The following PPFIA2 variants were observed in gnomAD, a reference collection of about 807,000 sequenced individuals.
PPFIA2 encodes liprin-alpha-2.
PPFIA2 carries 46 observed loss-of-function variants against 175.5 expected under a neutral mutation model. The observed-to-expected ratio is 0.26, with a 90% confidence interval of 0.21 to 0.34. The LOEUF (loss-of-function observed/expected upper bound fraction) is 0.34, where lower values mean the gene tolerates loss of function less well. PPFIA2 is among the 10% of genes least tolerant of loss of function. PPFIA2 has a pLI of 1.00. For synonymous variants in PPFIA2, 568 were observed against 511.4 expected (o/e 1.11, Z -1.49); for missense variants, 1,179 against 1,506.1 (o/e 0.78, Z 3.60).
chr12:81,665,212 G>A (rs1188102062), intron 4 of PPFIA2, among the ~76,000 whole-genome samples: 1 of 151,682 alleles, frequency 6.6e-6, no homozygotes, highest in Non-Finnish European at 1.5e-5. Context: ...AAAAATTTAC[G>A]GTACATCAAA....
At chr12:81,266,449 A>G (rs7960587) in intron 30 of PPFIA2, among the ~76,000 whole-genome samples, 65,101 of 151,954 alleles carry the variant, frequency 0.43, 14,857 homozygotes, top group Non-Finnish European at 0.52. Context: ...TTCAAATTCT[A>G]TGACTGTTAA....
chr12:81,392,267 T>G (rs1187800462), intron 8 of PPFIA2, among the ~76,000 whole-genome samples: 1 of 151,572 alleles, frequency 6.6e-6, no homozygotes, highest in Non-Finnish European at 1.5e-5. Flanking sequence ...AAAGATGGAG[T>G]TGCTATTTTT....
chr12:81,297,545 A>G (rs1042412289), intron 23 of PPFIA2, among the ~76,000 whole-genome samples: 4 of 152,232 alleles, frequency 2.6e-5, no homozygotes, highest in African/African-American at 9.6e-5. Context: ...AGGCACAAAT[A>G]ATTGACCTTG....
intron 4 of PPFIA2, among the ~76,000 whole-genome samples, chr12:81,503,550 TA>T (rs11352249): frequency 0.47 from 57,801 of 122,822 alleles, 11,608 homozygotes; most frequent in African/African-American, 0.57. Flanking sequence ...GTTATTTTGC[TA>T]AAAAAAAAAA....
chr12:81,362,064 T>C (rs2141219146), intron 15 of PPFIA2, among the ~76,000 whole-genome samples: 1 of 151,498 alleles, frequency 6.6e-6, no homozygotes, highest in African/African-American at 2.4e-5. Context: ...ATCTATCAAG[T>C]AAGCTGCCAT....
At chr12:81,443,195 T>C (rs114327227) in intron 6 of PPFIA2, among the ~76,000 whole-genome samples, 135 of 152,092 alleles carry the variant, frequency 8.9e-4, no homozygotes, top group East Asian at 3.1e-3. Context: ...TATCAGATCA[T>C]ATCTAATCCT....
chr12:81,308,343 T>C (rs1002498203), intron 22 of PPFIA2, among the ~76,000 whole-genome samples: 1 of 152,196 alleles, frequency 6.6e-6, no homozygotes, highest in African/African-American at 2.4e-5. Flanking sequence ...TATTAATTCA[T>C]TTAATTTTCA....
At chr12:81,352,855 T>C (rs1201375993) in intron 17 of PPFIA2, among the ~76,000 whole-genome samples, 3 of 152,222 alleles carry the variant, frequency 2.0e-5, no homozygotes, top group Admixed American at 1.3e-4. Flanking sequence ...TATTCTTCTG[T>C]ACTGTCACTG....
intron 3 of PPFIA2, among the ~76,000 whole-genome samples, chr12:81,741,054 G>GA (rs530779941): frequency 1.0e-3 from 155 of 152,110 alleles, no homozygotes; most frequent in African/African-American, 3.5e-3. Context: ...TGAAGAATGT[G>GA]AAAAAAATGG....
At chr12:81,398,550 C>G (rs2041563624) in intron 8 of PPFIA2, among the ~76,000 whole-genome samples, 1 of 152,030 alleles carries the variant, frequency 6.6e-6, no homozygotes, top group Admixed American at 6.6e-5. Context: ...TACTTTGAGC[C>G]ATTGATCCTT....
Position 81,375,828 on chromosome 12 carries a change from C to T in PPFIA2, c.1099G>A (p.Glu367Lys), listed in dbSNP as rs2036237710. The change falls in exon 10 of 33, where the codon GAG becomes AAG. Residue 367 changes from glutamate (E) to lysine (K), a missense_variant. This residue lies in a region of PPFIA2 where 226 missense variants were observed against 216.6 expected (regional missense o/e 1.04). Transcript: ENST00000549396. Reference protein sequence around the residue: ...IHDMNDKLENELANKEAILRQ... With the variant: ...IHDMNDKLENKLANKEAILRQ... ...AGGATAGCTTCTTTATTTGCTAACT[C>T]ATTTTCTAGTTTATCATTCATGTCA... is the stretch of plus-strand genomic sequence containing the variant. The T allele has an allele frequency of 6.2e-7, 1 of 1,610,006 alleles. No individual in the cohort carries two copies. Among genetic ancestry groups the T allele is most frequent in the Non-Finnish European group, 8.5e-7 (1 of 1,176,626 alleles).
At chr12:81,572,688 G>C (rs1441771334) in intron 4 of PPFIA2, among the ~76,000 whole-genome samples, 2 of 151,964 alleles carry the variant, frequency 1.3e-5, no homozygotes, top group Non-Finnish European at 2.9e-5. Context: ...ACAAATTAGT[G>C]GTAGTTCTCT....
At chr12:81,529,497 C>A (rs1373092998) in intron 4 of PPFIA2, among the ~76,000 whole-genome samples, 1 of 149,912 alleles carries the variant, frequency 6.7e-6, no homozygotes, top group Non-Finnish European at 1.5e-5. Context: ...TATATTTATT[C>A]CAAGTAAATA....
At chr12:81,429,523 A>C (rs2047728700) in intron 7 of PPFIA2, among the ~76,000 whole-genome samples, 1 of 152,036 alleles carries the variant, frequency 6.6e-6, no homozygotes, top group African/African-American at 2.4e-5. Context: ...ATTGTTCAGC[A>C]AATCTCCTAC....
intron 8 of PPFIA2, among the ~76,000 whole-genome samples, chr12:81,404,806 A>C (rs891683858): frequency 6.6e-6 from 1 of 152,208 alleles, no homozygotes; most frequent in Non-Finnish European, 1.5e-5. Context: ...TAAGTGAGGA[A>C]ATGCTAAACT....
intron 4 of PPFIA2, among the ~76,000 whole-genome samples, chr12:81,542,205 T>A (rs1442235356): frequency 6.6e-6 from 1 of 152,026 alleles, no homozygotes; most frequent in East Asian, 1.9e-4. Context: ...TTGGGACAGA[T>A]GAGCAGGCAA....
chr12:81,541,936 T>C (rs917168557), intron 4 of PPFIA2, among the ~76,000 whole-genome samples: 5 of 152,004 alleles, frequency 3.3e-5, no homozygotes, highest in African/African-American at 1.2e-4. Context: ...ATTGGTATAT[T>C]ACTGGATTAG....
At chr12:81,521,643 A>C (rs7138408) in intron 4 of PPFIA2, among the ~76,000 whole-genome samples, 55,472 of 143,752 alleles carry the variant, frequency 0.39, 11,424 homozygotes, top group African/African-American at 0.51. Flanking sequence ...AGGATCTCTA[A>C]TAAAATACAA....
At chr12:81,581,866 CTGAA>C (rs1421783326) in intron 4 of PPFIA2, among the ~76,000 whole-genome samples, 2 of 151,878 alleles carry the variant, frequency 1.3e-5, no homozygotes, top group Non-Finnish European at 1.5e-5. Flanking sequence ...CAAGCCTCAA[CTGAA>C]TGGTGTTTTA....
Sources: allele counts gnomAD v4.1 joint callset (sites outside exome capture counted in the v4.1 genomes callset), GRCh38; gene constraint gnomAD v4.1.1; regional missense constraint gnomAD v4.1.1; transcripts MANE v1.5; gene names NCBI Gene and HGNC (gene_info 2026-07-23, HGNC 2026-07-21).